IQANK1: variants seen among roughly 807,000 people sequenced by gnomAD.
The protein encoded by IQANK1 is IQ motif and ankyrin repeat domain-containing protein 1.
In IQANK1, 30 loss-of-function variants were observed where a neutral mutation model predicts 22.6. The observed-to-expected ratio is 1.33, with a 90% CI of 0.99 to 1.80. IQANK1 has a LOEUF of 1.80. IQANK1 is among the 40% of genes most tolerant of loss of function. IQANK1 has a pLI of 0.00. For missense variants in IQANK1, 275 were observed against 235.2 expected (o/e 1.17, Z -1.11); for synonymous variants, 122 against 99.6 (o/e 1.23, Z -1.34).
chr8:143,771,241 C>G lies in IQANK1; in HGVS notation c.176-247C>G, dbSNP rs1819564246. Among the ~76,000 whole-genome samples the G allele has an allele frequency of 6.6e-6, 1 of 152,070 alleles. No individual in the cohort carries two copies. Among genetic ancestry groups the G allele is most frequent in the Non-Finnish European group, 1.5e-5 (1 of 67,976 alleles). On this transcript the variant is annotated intron_variant, in intron 3 of 13. Coordinates refer to ENST00000527139, the MANE Select transcript of IQANK1 (RefSeq NM_001381874.1). This position sits in a 1 kb window ranked among gnomAD's most constrained non-coding sequence, Gnocchi z 6.0. ...GCGGGCTCGGCGGGGCTCGCAGGAT[C>G]CCCGGCGGCGTGGGGCGGGGGAGGT...
chr8:143,774,177 C>CAAAAAAAA lies in IQANK1; in HGVS notation c.789+1703_789+1710dup, dbSNP rs61709186. Among the ~76,000 whole-genome samples, 1 of 136,484 alleles carries CAAAAAAAA rather than the reference C, an allele frequency of 7.3e-6. No individual in the cohort carries two copies. The allele number at this position is 136,484 out of a possible 152,430, so 89.5% of individuals were successfully genotyped here. ...TGGACATGACACAAAAAGCACAATC[C>CAAAAAAAA]AAAAAAAAAAAAAAACCACATTGAT... On this transcript the variant is annotated intron_variant, in intron 7 of 13. Coordinates refer to ENST00000527139, the MANE Select transcript of IQANK1 (RefSeq NM_001381874.1). This position sits in a 1 kb window ranked among gnomAD's most constrained non-coding sequence, Gnocchi z 4.2.
intron 3 of IQANK1, among the ~76,000 whole-genome samples, chr8:143,762,955 CTCTTT>C (rs144645015): frequency 0.021 from 3,184 of 150,024 alleles, 98 homozygotes; most frequent in African/African-American, 0.066. Flanking sequence ...TTTTTCTTTT[CTCTTT>C]TCTTTTCTTT....
At chr8:143,740,189 TCCCCGCCGCCCGGG>T (rs1286523931) in intron 3 of IQANK1, among the ~76,000 whole-genome samples, 8 of 151,534 alleles carry the variant, frequency 5.3e-5, no homozygotes, top group South Asian at 4.2e-4. Context: ...GTGCTCCACC[TCCCCGCCGCCCGGG>T]TGCGTGGCCT....
chr8:143,783,306 A>G (rs1819830985), intron 7 of IQANK1, among the ~76,000 whole-genome samples: 1 of 152,150 alleles, frequency 6.6e-6, no homozygotes, highest in African/African-American at 2.4e-5. Flanking sequence ...GTGGTGCCTC[A>G]CTGCAGTTTT....
intron 7 of IQANK1, among the ~76,000 whole-genome samples, chr8:143,777,391 C>T (rs1210208007): frequency 6.6e-6 from 1 of 151,638 alleles, no homozygotes; most frequent in East Asian, 1.9e-4. Flanking sequence ...TGGCAGGCGC[C>T]TGTAATCCCA....
intron 2 of IQANK1, chr8:143,739,600 C>A: frequency 2.5e-6 from 1 of 398,250 alleles, no homozygotes; most frequent in African/African-American, 2.1e-5. Flanking sequence ...ATCCTTGGGC[C>A]CACAAGAGCC....
chr8:143,761,014 C>T (rs1468755386), intron 3 of IQANK1, among the ~76,000 whole-genome samples: 6 of 152,132 alleles, frequency 3.9e-5, no homozygotes, highest in African/African-American at 1.4e-4. Flanking sequence ...TGGTGCGAGC[C>T]GAAGACGGTC....
At chr8:143,786,760 G>A (rs1320710628) in intron 7 of IQANK1, among the ~76,000 whole-genome samples, 4 of 152,346 alleles carry the variant, frequency 2.6e-5, no homozygotes, top group African/African-American at 9.6e-5. Flanking sequence ...GGTGGCCAAG[G>A]TGGGGTTTGC....
At chr8:143,751,664 G>GTGTGTATATATATATA (rs370428606) in intron 3 of IQANK1, among the ~76,000 whole-genome samples, 2 of 61,550 alleles carry the variant, frequency 3.2e-5, no homozygotes, top group Non-Finnish European at 7.3e-5. Context: ...GTGTGTGTGT[G>GTGTGTATATATATATA]TATATATATA....
chr8:143,782,420 C>T (rs1819811999), intron 7 of IQANK1, among the ~76,000 whole-genome samples: 1 of 152,086 alleles, frequency 6.6e-6, no homozygotes, highest in Non-Finnish European at 1.5e-5. Flanking sequence ...AGCTTTTGCC[C>T]ATTCAGTATA....
chr8:143,740,652 C>T (rs61134597), intron 3 of IQANK1, among the ~76,000 whole-genome samples: 1,551 of 152,340 alleles, frequency 0.01, 25 homozygotes, highest in African/African-American at 0.028. Context: ...TCAGGTCTGA[C>T]CCTGGTGCGC....
At chr8:143,777,966 G>A (rs1425033183) in intron 7 of IQANK1, among the ~76,000 whole-genome samples, 4 of 152,096 alleles carry the variant, frequency 2.6e-5, no homozygotes, top group African/African-American at 9.7e-5. Flanking sequence ...AGGCCGAGGC[G>A]GGCGGATCAC....
chr8:143,779,275 A>G (rs1819749840), intron 7 of IQANK1, among the ~76,000 whole-genome samples: 1 of 152,294 alleles, frequency 6.6e-6, no homozygotes, highest in African/African-American at 2.4e-5. Context: ...ACACGCATTC[A>G]TGCTGTTTAC....
At chr8:143,751,969 TA>T (rs1405588103) in intron 3 of IQANK1, among the ~76,000 whole-genome samples, 1 of 151,704 alleles carries the variant, frequency 6.6e-6, no homozygotes, top group African/African-American at 2.4e-5. Flanking sequence ...TTATTCTTAT[TA>T]TTTTTTTATT....
chr8:143,739,598 G>A, intron 2 of IQANK1: 1 of 396,202 alleles, frequency 2.5e-6, no homozygotes, highest in Non-Finnish European at 4.5e-6. Flanking sequence ...CCATCCTTGG[G>A]CCCACAAGAG....
In IQANK1 at chr8:143,740,454, G is replaced by A. The variant is rs377708497; in HGVS notation, c.175+506G>A. On this transcript the variant is annotated intron_variant, in intron 3 of 13. Transcript: ENST00000527139. ...GGGCCCGATACCGCCCTGAGGCTCA[G>A]CAGCGCCTCCCAACGCGAACTCGTC... Among the ~76,000 whole-genome samples the A allele has an allele frequency of 7.2e-4, 110 of 152,350 alleles. 1 individual carries two copies. In the South Asian group the frequency reaches 0.021, roughly 30 times the overall value.
At chr8:143,759,131 C>T (rs190504333) in intron 3 of IQANK1, 82 of 306,074 alleles carry the variant, frequency 2.7e-4, no homozygotes, top group Non-Finnish European at 4.5e-4. Flanking sequence ...TGGAACACCA[C>T]GATGCTCCAG....
chr8:143,769,004 C>T (rs373220949), intron 3 of IQANK1, among the ~76,000 whole-genome samples: 20 of 152,162 alleles, frequency 1.3e-4, no homozygotes, highest in African/African-American at 4.3e-4. Context: ...TCCCAAAATC[C>T]GGGACATCCA....
intron 3 of IQANK1, among the ~76,000 whole-genome samples, chr8:143,754,698 T>C (rs1284372600): frequency 6.6e-6 from 1 of 152,098 alleles, no homozygotes; most frequent in African/African-American, 2.4e-5. Flanking sequence ...TGATCTCAGC[T>C]CACTGCAAGC....
Sources: allele counts gnomAD v4.1 joint callset (sites outside exome capture counted in the v4.1 genomes callset), GRCh38; gene constraint gnomAD v4.1.1; non-coding constraint Gnocchi (gnomAD v3.1); transcripts MANE v1.5; gene names NCBI Gene and HGNC (gene_info 2026-07-23, HGNC 2026-07-21).